The following ADGRL3 variants were observed in gnomAD, a reference collection of about 807,000 sequenced individuals.
ADGRL3 encodes the protein calcium-independent alpha-latrotoxin receptor 3.
Under a neutral mutation model 153.5 loss-of-function variants are expected in ADGRL3, and 62 were observed. That is an observed-to-expected ratio of 0.40 (90% CI 0.33 to 0.50). ADGRL3 has a LOEUF of 0.50. Ranked by LOEUF, ADGRL3 falls within the 20% of genes least tolerant of loss-of-function variation. The probability of loss-of-function intolerance (pLI) is 0.47; values close to 1 mark genes in which losing one functional copy is unlikely to be tolerated. For synonymous variants in ADGRL3, 710 were observed against 672.5 expected (o/e 1.06, Z -0.86); for missense variants, 1,641 against 1,859.4 (o/e 0.88, Z 2.16).
intron 1 of ADGRL3, among the ~76,000 whole-genome samples, chr4:61,296,875 A>G (rs963490927): frequency 1.3e-5 from 2 of 152,168 alleles, no homozygotes; most frequent in African/African-American, 4.8e-5. Context: ...TCTTTGACTC[A>G]CTTAATTTTA....
intron 2 of ADGRL3, among the ~76,000 whole-genome samples, chr4:61,432,610 CTTTCTTTCT>C (rs2097374852): frequency 2.9e-5 from 2 of 67,832 alleles, no homozygotes; most frequent in Admixed American, 1.6e-4. Flanking sequence ...TTCTTTCTTT[CTTTCTTTCT>C]TTCTTTCTTT....
intron 5 of ADGRL3, among the ~76,000 whole-genome samples, chr4:61,659,965 C>T (rs917155007): frequency 6.7e-5 from 10 of 149,210 alleles, no homozygotes; most frequent in African/African-American, 2.5e-4. Context: ...TTAGGAGGAG[C>T]ACACATAGGA....
At chr4:61,763,127 T>C (rs1242694850) in intron 8 of ADGRL3, among the ~76,000 whole-genome samples, 9 of 149,232 alleles carry the variant, frequency 6.0e-5, no homozygotes, top group African/African-American at 2.3e-4. Flanking sequence ...TGCATAAAGA[T>C]TTTTTTTCTT....
chr4:61,588,096 A>T (rs1660717006), intron 5 of ADGRL3, among the ~76,000 whole-genome samples: 1 of 151,730 alleles, frequency 6.6e-6, no homozygotes, highest in Non-Finnish European at 1.5e-5. Flanking sequence ...TAAGGTTTAA[A>T]TTATGTTAAA....
intron 21 of ADGRL3, among the ~76,000 whole-genome samples, chr4:62,004,773 A>G (rs1189130142): frequency 6.6e-6 from 1 of 152,040 alleles, no homozygotes; most frequent in Non-Finnish European, 1.5e-5. Context: ...TACTGTGAAC[A>G]CTTTAGTTTT....
At chr4:61,793,063 C>A (rs1029287266) in intron 8 of ADGRL3, among the ~76,000 whole-genome samples, 6 of 151,764 alleles carry the variant, frequency 4.0e-5, no homozygotes, top group Non-Finnish European at 7.4e-5. Flanking sequence ...CAAGGAACAG[C>A]AATTCACGTC....
chr4:61,500,620 T>C (rs2098377372), intron 3 of ADGRL3, among the ~76,000 whole-genome samples: 1 of 152,194 alleles, frequency 6.6e-6, no homozygotes, highest in South Asian at 2.1e-4. Flanking sequence ...TATTGAGATG[T>C]CCAGAATTTT....
chr4:62,025,405 A>G lies in ADGRL3; in HGVS notation c.3396-3450A>G, dbSNP rs540567881. On this transcript the variant is annotated intron_variant, in intron 21 of 26. Transcript: ENST00000683033. ...TTTCTACTATTTAATATATTCTGTG[A>G]ACACTACAATCCTAAAATGGTCTTG... Among the ~76,000 whole-genome samples, 10 of 152,272 alleles carry G rather than the reference A, an allele frequency of 6.6e-5. No individual in the cohort carries two copies. In the East Asian group the frequency reaches 1.9e-3, roughly 29 times the overall value.
intron 1 of ADGRL3, among the ~76,000 whole-genome samples, chr4:61,277,245 A>G (rs2093506794): frequency 1.3e-5 from 2 of 152,232 alleles, no homozygotes; most frequent in Admixed American, 1.3e-4. Flanking sequence ...CATTTTCTGA[A>G]TGATAATATA....
chr4:61,646,466 G>A (rs1389945493), intron 5 of ADGRL3, among the ~76,000 whole-genome samples: 2 of 151,860 alleles, frequency 1.3e-5, no homozygotes, highest in East Asian at 3.9e-4. Context: ...GGTTTTTGGT[G>A]TGGATGTCCT....
chr4:61,790,007 A>C (rs1444854828), intron 8 of ADGRL3, among the ~76,000 whole-genome samples: 1 of 152,222 alleles, frequency 6.6e-6, no homozygotes, highest in South Asian at 2.1e-4. Flanking sequence ...AGAGTGTTTA[A>C]GCACTAAAAC....
chr4:61,916,613 T>A (rs2098746233), intron 13 of ADGRL3, among the ~76,000 whole-genome samples: 1 of 151,936 alleles, frequency 6.6e-6, no homozygotes. Context: ...CCATTGCTTC[T>A]CTCCTGACAT....
chr4:61,701,916 A>G (rs990897118), intron 6 of ADGRL3, among the ~76,000 whole-genome samples: 14 of 152,172 alleles, frequency 9.2e-5, no homozygotes, highest in African/African-American at 3.1e-4. Flanking sequence ...AGAAGGCGGT[A>G]CTGAGATAAG....
intron 4 of ADGRL3, chr4:61,583,610 T>C (rs886303288): frequency 3.9e-6 from 2 of 514,234 alleles, no homozygotes; most frequent in Non-Finnish European, 7.8e-6. Context: ...ATGTTTGATA[T>C]GAATTTTGGA....
intron 4 of ADGRL3, among the ~76,000 whole-genome samples, chr4:61,577,220 TG>T (rs147457611): frequency 0.084 from 9,400 of 112,486 alleles, 360 homozygotes; most frequent in East Asian, 0.18. Context: ...GTTAGGGAAA[TG>T]GGGGGGGGAT....
intron 4 of ADGRL3, among the ~76,000 whole-genome samples, chr4:61,571,884 G>A (rs994327172): frequency 6.6e-6 from 1 of 152,110 alleles, no homozygotes; most frequent in African/African-American, 2.4e-5. Context: ...AAGAATCACA[G>A]CATTCATATT....
intron 1 of ADGRL3, among the ~76,000 whole-genome samples, chr4:61,256,291 T>C (rs1260500955): frequency 6.6e-6 from 1 of 152,176 alleles, no homozygotes; most frequent in Non-Finnish European, 1.5e-5. Context: ...TTTTACACCA[T>C]TAATCTCAAA....
At chr4:61,647,770 T>A (rs556627385) in intron 5 of ADGRL3, among the ~76,000 whole-genome samples, 96 of 151,828 alleles carry the variant, frequency 6.3e-4, no homozygotes, top group African/African-American at 2.2e-3. Flanking sequence ...GAGTAAAAAA[T>A]TGTATAAGAA....
chr4:61,656,716 A>T (rs1044997757), intron 5 of ADGRL3, among the ~76,000 whole-genome samples: 1 of 152,178 alleles, frequency 6.6e-6, no homozygotes, highest in East Asian at 1.9e-4. Context: ...ACAGAAAGGA[A>T]ATCCAATGTA....
Sources: allele counts gnomAD v4.1 joint callset (sites outside exome capture counted in the v4.1 genomes callset), GRCh38; gene constraint gnomAD v4.1.1; transcripts MANE v1.5; gene names NCBI Gene and HGNC (gene_info 2026-07-23, HGNC 2026-07-21).